The following ATP2C1 variants were observed in gnomAD, a reference collection of about 807,000 sequenced individuals.
The protein encoded by ATP2C1 is ATPase secretory pathway Ca2+ transporting 1, also known as calcium-transporting ATPase type 2C member 1.
A neutral mutation model predicts 120.5 loss-of-function variants in ATP2C1; 31 were observed. That is an observed-to-expected ratio of 0.26 (90% CI 0.19 to 0.35). The LOEUF (loss-of-function observed/expected upper bound fraction) is 0.35. Among genes scored for constraint, ATP2C1 ranks in the 10% least tolerant of loss-of-function variants. ATP2C1 has a pLI of 1.00. For synonymous variants in ATP2C1, 351 were observed against 358.7 expected (o/e 0.98, Z 0.24); for missense variants, 731 against 1,107.5 (o/e 0.66, Z 4.83).
At chr3:130,969,590 T>C (rs1016294180) in intron 17 of ATP2C1, among the ~76,000 whole-genome samples, 194 bp downstream of exon 17, 12 of 152,216 alleles carry the variant, frequency 7.9e-5, no homozygotes, top group African/African-American at 2.9e-4. Context: ...AATCCATGCA[T>C]AGATATATTC....
At chr3:130,937,123 G>A (rs558015649) in intron 5 of ATP2C1, among the ~76,000 whole-genome samples, 1 of 152,248 alleles carries the variant, frequency 6.6e-6, no homozygotes, top group East Asian at 1.9e-4. Context: ...CTGACTAGTT[G>A]AAAAATTTGA....
At chr3:131,005,221 T>C (rs2063060857), downstream of ATP2C1, among the ~76,000 whole-genome samples, 1 of 146,782 alleles carries the variant, frequency 6.8e-6, no homozygotes, top group South Asian at 2.3e-4. Flanking sequence ...GATCAAGCGA[T>C]CCTCCCACCT....
chr3:130,929,197 T>C (rs1475271866), intron 2 of ATP2C1, among the ~76,000 whole-genome samples: 3 of 152,230 alleles, frequency 2.0e-5, no homozygotes, highest in Non-Finnish European at 4.4e-5. Context: ...TGAAAAATAC[T>C]ACTGCTCTTT....
At position 130,883,464 on chromosome 3, in the gene ATP2C1, TC is replaced by T. The variant is rs1329649224; in HGVS notation, c.108+32537del. Among the ~76,000 whole-genome samples, 8 of 85,586 alleles carry T rather than the reference TC, an allele frequency of 9.3e-5. No homozygotes were observed. The South Asian group carries it at 1.2e-3, about 13-fold the overall frequency. 56.1% of individuals were successfully genotyped at this position (85,586 alleles called of 152,430 possible). On this transcript the variant is annotated intron_variant, in intron 1 of 26. Coordinates refer to the ATP2C1 transcript ENST00000504381. ...ATTTATTTGAAGTCTTTCTTCTCCT[TC>T]TTTTTTTTTTTTCTCCACAGAGTTT... is the stretch of plus-strand genomic sequence containing the variant.
Position 131,002,948 on chromosome 3 carries a change from A to G in ATP2C1, c.*1598A>G. 1 of 985,666 alleles carries G rather than the reference A, an allele frequency of 1.0e-6. No homozygotes were observed. Among genetic ancestry groups the G allele is most frequent in the Non-Finnish European group, 1.2e-6 (1 of 829,866 alleles). 61.1% of individuals were successfully genotyped at this position (985,666 alleles called of 1,614,324 possible). A position where few individuals can be genotyped will look rare whatever the true frequency, so the allele number is the denominator to read the frequency against. The stretch of plus-strand genomic sequence containing the variant: ...GAACATGGAAGCCATTGTCTAATCA[A>G]CTCTATCATTAGTGACTTGATGTCT... On this transcript the variant is annotated 3_prime_UTR_variant, in exon 28 of 28. Coordinates refer to ENST00000510168, the MANE Select transcript of ATP2C1 (RefSeq NM_001378687.1).
At chr3:130,975,307 T>A in intron 17 of ATP2C1, 25 bp from the exon 18 acceptor site, 1 of 1,612,606 alleles carries the variant, frequency 6.2e-7, no homozygotes. Context: ...AAATTAAACT[T>A]GTGTTTGGTA....
chr3:130,909,204 G>A (rs1165668853), intron 2 of ATP2C1, among the ~76,000 whole-genome samples: 1 of 152,142 alleles, frequency 6.6e-6, no homozygotes, highest in Non-Finnish European at 1.5e-5. Flanking sequence ...TAAGGAGGCA[G>A]TGAGATCCCT....
intron 1 of ATP2C1, among the ~76,000 whole-genome samples, chr3:130,879,195 G>A (rs2068704124): frequency 6.6e-6 from 1 of 152,080 alleles, no homozygotes; most frequent in Non-Finnish European, 1.5e-5. Flanking sequence ...CTGAGTAGCT[G>A]GGATTACAGG....
intron 11 of ATP2C1, among the ~76,000 whole-genome samples, chr3:130,958,238 G>GT (rs1409056095): frequency 4.0e-5 from 6 of 150,670 alleles, no homozygotes; most frequent in African/African-American, 7.3e-5. Flanking sequence ...GTTTTTTTTT[G>GT]TTTTTTGTAA....
intron 1 of ATP2C1, among the ~76,000 whole-genome samples, chr3:130,882,212 CT>C (rs201420573): frequency 0.015 from 2,125 of 144,752 alleles, 44 homozygotes; most frequent in African/African-American, 0.047. Context: ...TTTCTTTCTT[CT>C]TTTTTTTTTT....
At chr3:130,970,913 G>C (rs1000076730) in intron 17 of ATP2C1, among the ~76,000 whole-genome samples, 1 of 151,974 alleles carries the variant, frequency 6.6e-6, no homozygotes, top group African/African-American at 2.4e-5. Flanking sequence ...AGTCTTCCAG[G>C]AACTATGTTC....
chr3:130,940,750 C>T lies in ATP2C1; in HGVS notation c.422+59C>T. ...CTTTAAAAATAGAAGTTGAATGTGA[C>T]TAGTACCGTACATATTGTTATCCCC... is the stretch of plus-strand genomic sequence containing the variant. On this transcript the variant is annotated intron_variant, in intron 7 of 27. Coordinates refer to ENST00000510168, the MANE Select transcript of ATP2C1 (RefSeq NM_001378687.1). 3 of 1,240,416 alleles carry T rather than the reference C, an allele frequency of 2.4e-6. No homozygotes were observed. The Admixed American group carries it at 5.1e-5, about 21-fold the overall frequency. 76.8% of individuals were successfully genotyped at this position (1,240,416 alleles called of 1,614,324 possible).
chr3:130,988,315 A>T (rs2062123291), intron 20 of ATP2C1, among the ~76,000 whole-genome samples: 1 of 152,166 alleles, frequency 6.6e-6, no homozygotes, highest in Non-Finnish European at 1.5e-5. Context: ...TTCCATCAAA[A>T]GAACTGTGAG....
intron 1 of ATP2C1, chr3:130,856,048 A>T (rs1029898864): frequency 2.0e-5 from 3 of 151,896 alleles, no homozygotes; most frequent in African/African-American, 7.2e-5. Flanking sequence ...TTTAACAGTG[A>T]ATCTGCTTAA....
intron 12 of ATP2C1, among the ~76,000 whole-genome samples, chr3:130,959,877 C>T (rs1229153280): frequency 6.6e-6 from 1 of 151,872 alleles, no homozygotes; most frequent in Non-Finnish European, 1.5e-5. Flanking sequence ...TCAAAGAGGT[C>T]TCCCCCCAAA....
intron 2 of ATP2C1, among the ~76,000 whole-genome samples, chr3:130,923,204 T>C (rs1198051441): frequency 6.6e-6 from 1 of 152,060 alleles, no homozygotes; most frequent in Non-Finnish European, 1.5e-5. Context: ...CCTTTTATCG[T>C]TATATAATAT....
At chr3:130,864,879 C>T (rs763391865) in intron 1 of ATP2C1, among the ~76,000 whole-genome samples, 1 of 152,190 alleles carries the variant, frequency 6.6e-6, no homozygotes, top group Non-Finnish European at 1.5e-5. Context: ...AGAACTTCTG[C>T]CAGAGCAGTG....
At chr3:130,934,396 A>G (rs977712688) in intron 4 of ATP2C1, among the ~76,000 whole-genome samples, 39 of 150,908 alleles carry the variant, frequency 2.6e-4, no homozygotes, top group Non-Finnish European at 1.2e-4. Flanking sequence ...AGTTTTAAGT[A>G]TTGCTATTTA....
chr3:130,936,031 G>C (rs1364056018), intron 5 of ATP2C1, among the ~76,000 whole-genome samples: 1 of 152,148 alleles, frequency 6.6e-6, no homozygotes, highest in Non-Finnish European at 1.5e-5. Flanking sequence ...AATTAAATGA[G>C]CGAATCAGAC....
Sources: gnomAD v4.1 joint callset for allele counts (sites outside exome capture counted in the v4.1 genomes callset) on GRCh38, gnomAD v4.1.1 for gene constraint, MANE v1.5 for transcripts, NCBI Gene and HGNC (gene_info 2026-07-23, HGNC 2026-07-21) for gene names.